The following ST7 variants were observed in gnomAD, a reference collection of about 807,000 sequenced individuals.
The protein encoded by ST7 is suppression of tumorigenicity 7, also known as suppressor of tumorigenicity 7 protein.
Under a neutral mutation model 78.7 loss-of-function variants are expected in ST7, and 28 were observed. The ratio of observed to expected loss-of-function variants is 0.36; its 90% confidence interval spans 0.26 to 0.49. ST7 has a LOEUF of 0.49. ST7 is among the 20% of genes least tolerant of loss of function. The probability of loss-of-function intolerance (pLI) is 0.99; values close to 1 mark genes in which losing one functional copy is unlikely to be tolerated. For missense variants in ST7, 418 were observed against 696.0 expected, an observed-to-expected ratio of 0.60 and a Z score of 4.49; for synonymous variants, 247 against 249.6, an observed-to-expected ratio of 0.99 and a Z score of 0.10.
chr7:117,095,091 C>G (rs913449249), intron 1 of ST7, among the ~76,000 whole-genome samples: 2 of 152,092 alleles, frequency 1.3e-5, no homozygotes, highest in Non-Finnish European at 2.9e-5. Context: ...CGAAGACTTC[C>G]CTGTGCAAGG....
intron 13 of ST7, among the ~76,000 whole-genome samples, chr7:117,216,235 A>G (rs1036941220): frequency 6.6e-6 from 1 of 152,144 alleles, no homozygotes. Context: ...TCTCAGTTTC[A>G]TTTTGACCCT....
intron 12 of ST7, among the ~76,000 whole-genome samples, chr7:117,200,658 C>T (rs1031621580): frequency 1.3e-5 from 2 of 151,960 alleles, no homozygotes; most frequent in East Asian, 1.9e-4. Flanking sequence ...ATTTCAGCAG[C>T]GGGGCAGACT....
intron 1 of ST7, among the ~76,000 whole-genome samples, chr7:117,075,334 T>G (rs990101574): frequency 1.4e-4 from 22 of 152,220 alleles, no homozygotes; most frequent in African/African-American, 5.3e-4. Flanking sequence ...AATTTTTATT[T>G]TGTTTCATGG....
chr7:117,024,477 C>T (rs938003416), intron 1 of ST7, among the ~76,000 whole-genome samples: 3 of 152,262 alleles, frequency 2.0e-5, no homozygotes, highest in East Asian at 3.9e-4. Flanking sequence ...TGGTCTAACA[C>T]GTTAATGCAT....
chr7:117,179,420 A>C (rs964127635), intron 10 of ST7, among the ~76,000 whole-genome samples: 16 of 152,212 alleles, frequency 1.1e-4, no homozygotes, highest in Non-Finnish European at 8.8e-5. Flanking sequence ...ACAGGGAAGT[A>C]AGAGAACAGG....
rs1335648412 is a variant in ST7 at position 117,202,086 on chromosome 7, A to G, written c.1255-7701A>G. Among the ~76,000 whole-genome samples, 19 of 75,554 alleles carry G rather than the reference A, an allele frequency of 2.5e-4. 7 individuals are homozygous for G. The highest frequency in any genetic ancestry group is 2.3e-3 in the Admixed American group (12 of 5,302). 49.6% of individuals were successfully genotyped at this position (75,554 alleles called of 152,430 possible). Reference sequence around the variant, plus strand: ...CGCCATTCTCCTGCCTCAGCCTCCCAAGTAGCTGGGACTACAGGCGCCCGC... The same window carrying G: ...CGCCATTCTCCTGCCTCAGCCTCCCGAGTAGCTGGGACTACAGGCGCCCGC... On this transcript the variant is annotated intron_variant, in intron 12 of 15. Coordinates refer to ENST00000323984, the MANE Select transcript of ST7 (RefSeq NM_001369598.1).
Position 117,163,060 on chromosome 7 carries a change from A to T in ST7, c.964-7802A>T, listed in dbSNP as rs867712330. 2.0e-5 allele frequency among the ~76,000 whole-genome samples: 3 copies of T among 152,198 alleles called. No individual in the cohort carries two copies. The South Asian group carries it at 6.2e-4, about 31-fold the overall frequency. ...CCGTTCCTGGCTTATTTCGCTTAAC[A>T]TAATAGTGTCCTCTAGTTTCATCCA... On this transcript the variant is annotated intron_variant, in intron 9 of 15. Transcript: ENST00000323984.
intron 1 of ST7, among the ~76,000 whole-genome samples, chr7:116,987,160 A>G (rs762309946): frequency 3.9e-5 from 6 of 151,940 alleles, no homozygotes; most frequent in Non-Finnish European, 7.4e-5. Context: ...TTATTTGAAG[A>G]CTCTCTCTTC....
chr7:117,201,961 C>CTTT (rs1278924099), intron 12 of ST7, among the ~76,000 whole-genome samples: 3 of 70,956 alleles, frequency 4.2e-5, no homozygotes, highest in Admixed American at 1.8e-4. Context: ...TCGAAGCTAT[C>CTTT]TTTTTTTTTT....
intron 1 of ST7, among the ~76,000 whole-genome samples, chr7:116,985,017 A>C (rs1365792736): frequency 1.3e-5 from 2 of 152,176 alleles, no homozygotes; most frequent in South Asian, 4.1e-4. Flanking sequence ...CTACCACTAG[A>C]TGGTGCTTGT....
chr7:117,097,905 TA>T lies in ST7; in HGVS notation c.152-1856del, dbSNP rs1563078986. Among the ~76,000 whole-genome samples, 14 of 42,340 alleles carry T rather than the reference TA, an allele frequency of 3.3e-4. No homozygotes were observed. The South Asian group carries it at 7.1e-3, about 22-fold the overall frequency. The allele number at this position is 42,340 out of a possible 152,430, so 27.8% of individuals were successfully genotyped here. ...CTATATATATATATATATATATATATATATTTTTTTTTTTTTTTTTTTTGAT... is the reference window on the plus strand; with the variant it reads ...CTATATATATATATATATATATATATTATTTTTTTTTTTTTTTTTTTTGAT... On this transcript the variant is annotated intron_variant, in intron 1 of 15. Coordinates refer to ENST00000323984, the MANE Select transcript of ST7 (RefSeq NM_001369598.1).
chr7:117,121,128 CAATT>C (rs1319822526), intron 3 of ST7, among the ~76,000 whole-genome samples: 1 of 152,184 alleles, frequency 6.6e-6, no homozygotes, highest in African/African-American at 2.4e-5. Flanking sequence ...GACAAGAGCA[CAATT>C]AATCTGTGGG....
intron 9 of ST7, among the ~76,000 whole-genome samples, chr7:117,148,752 C>T (rs773823217): frequency 6.6e-6 from 1 of 152,132 alleles, no homozygotes; most frequent in Non-Finnish European, 1.5e-5. Flanking sequence ...GCATATGGTG[C>T]CCTGCTTCCC....
At chr7:116,966,247 CTTTTT>C (rs374887005) in intron 1 of ST7, 14 of 178,536 alleles carry the variant, frequency 7.8e-5, no homozygotes, top group South Asian at 2.9e-4. Flanking sequence ...TTTTTTCTTT[CTTTTT>C]TTTTTTTTTT....
intron 9 of ST7, among the ~76,000 whole-genome samples, chr7:117,142,737 G>T (rs1294079312): frequency 6.6e-6 from 1 of 152,010 alleles, no homozygotes; most frequent in South Asian, 2.1e-4. Flanking sequence ...TCAGCCTCCC[G>T]AGTACCTGGG....
chr7:117,211,754 A>G (rs1039862280), intron 13 of ST7, among the ~76,000 whole-genome samples: 127 of 152,328 alleles, frequency 8.3e-4, no homozygotes, highest in African/African-American at 3.0e-3. Flanking sequence ...TTAGTTATCC[A>G]TGTGGTCAGA....
chr7:117,081,419 C>G (rs1480482284), intron 1 of ST7, among the ~76,000 whole-genome samples: 1 of 152,032 alleles, frequency 6.6e-6, no homozygotes, highest in East Asian at 1.9e-4. Flanking sequence ...GGATGCCTCC[C>G]CACAATTTAT....
intron 10 of ST7, among the ~76,000 whole-genome samples, chr7:117,176,303 T>C (rs955620070): frequency 2.6e-5 from 4 of 152,216 alleles, no homozygotes; most frequent in African/African-American, 9.6e-5. Flanking sequence ...AAGATCATTT[T>C]TACTGATGCC....
chr7:116,982,561 T>G (rs1794006367), intron 1 of ST7, among the ~76,000 whole-genome samples: 1 of 152,198 alleles, frequency 6.6e-6, no homozygotes, highest in Non-Finnish European at 1.5e-5. Flanking sequence ...TTACTAACAT[T>G]ATTTTAATAC....
Sources: gnomAD v4.1 joint callset for allele counts (sites outside exome capture counted in the v4.1 genomes callset) on GRCh38, gnomAD v4.1.1 for gene constraint, MANE v1.5 for transcripts, NCBI Gene and HGNC (gene_info 2026-07-23, HGNC 2026-07-21) for gene names.